Variants in CD2AP observed in about 807,000 individuals in gnomAD.
The protein encoded by CD2AP is CD2-associated protein.
CD2AP carries 46 observed loss-of-function variants against 85.1 expected under a neutral mutation model. That is an observed-to-expected ratio of 0.54 (90% confidence interval 0.43 to 0.69). CD2AP has a LOEUF of 0.69. Ranked by LOEUF, CD2AP falls within the 30% of genes least tolerant of loss-of-function variation. The pLI is 0.00. For synonymous variants in CD2AP, 255 were observed against 252.9 expected, an observed-to-expected ratio of 1.01 and a Z score of -0.08; for missense variants, 769 against 729.5, an observed-to-expected ratio of 1.05 and a Z score of -0.62.
intron 1 of CD2AP, among the ~76,000 whole-genome samples, chr6:47,490,320 A>G (rs1765703287): frequency 6.6e-6 from 1 of 152,058 alleles, no homozygotes; most frequent in African/African-American, 2.4e-5. Context: ...ACTGTTACAC[A>G]TTGGTCTTTT....
intron 3 of CD2AP, among the ~76,000 whole-genome samples, chr6:47,543,173 GAAAAAGAAAAAAGAAA>G (rs1767274001): frequency 2.3e-5 from 2 of 88,468 alleles, no homozygotes; most frequent in Non-Finnish European, 5.1e-5. Flanking sequence ...AAAAAAAAAA[GAAAAAGAAAAAAGAAA>G]AAAAAGAAAA....
intron 1 of CD2AP, among the ~76,000 whole-genome samples, chr6:47,502,488 C>T (rs1417581274): frequency 1.3e-5 from 2 of 150,446 alleles, no homozygotes; most frequent in Non-Finnish European, 3.0e-5. Flanking sequence ...GCCTCGAACT[C>T]CTGAGTTTTT....
intron 17 of CD2AP, among the ~76,000 whole-genome samples, chr6:47,622,534 C>T (rs377058304): frequency 2.6e-5 from 4 of 152,166 alleles, no homozygotes; most frequent in East Asian, 3.9e-4. Flanking sequence ...CCTCTACCCC[C>T]CTTGTATTTT....
At position 47,569,989 on chromosome 6, in the gene CD2AP, A is replaced by G. The variant is rs568703843; in HGVS notation, c.542-4075A>G. ...TTTCTATGTGTACTTTTTAGGAACT[A>G]TGCAATATTGATTGATTTTAAGTCC... On this transcript the variant is annotated intron_variant, in intron 5 of 17. Transcript: ENST00000359314. Among the ~76,000 whole-genome samples, 5 of 152,290 alleles carry G rather than the reference A, an allele frequency of 3.3e-5. No individual in the cohort carries two copies. In the East Asian group the frequency reaches 9.6e-4, roughly 29 times the overall value.
rs957711475 is a variant in CD2AP at position 47,615,842 on chromosome 6, C to G, written c.1878+3306C>G. 6.7e-5 allele frequency among the ~76,000 whole-genome samples: 10 copies of G among 148,430 alleles called. No individual in the cohort carries two copies. The Admixed American group carries it at 6.8e-4, about 10-fold the overall frequency. ...ATTTATTTATTTATTAGCAGTGGTA[C>G]GAACTCGGCTGACTGCAAGCTCCAC... On this transcript the variant is annotated intron_variant, in intron 17 of 17. Transcript: ENST00000359314.
At chr6:47,607,156 A>ATAG (rs1316186054) in intron 14 of CD2AP, among the ~76,000 whole-genome samples, 2 of 141,918 alleles carry the variant, frequency 1.4e-5, no homozygotes, top group Non-Finnish European at 3.1e-5. Context: ...TTGTGACTGA[A>ATAG]TAGTAGTCCA....
At position 47,533,635 on chromosome 6, in the gene CD2AP, A is replaced by G; in HGVS notation, c.199A>G (p.Ser67Gly). ...AAGAGAGACGGAATTCAAGGATGACAGTTTGCCCATCAAACGGGAAAGGCA... is the reference window on the plus strand; with the variant it reads ...AAGAGAGACGGAATTCAAGGATGACGGTTTGCCCATCAAACGGGAAAGGCA... The part of the protein sequence containing the change: ...IKRETEFKDD[S>G]LPIKRERHGN... Residue 67 changes from serine to glycine, a missense_variant, in exon 3 of 18, where the codon AGT becomes GGT. By Grantham distance (56) the Ser-to-Gly change is moderately conservative (BLOSUM62 0). Coordinates refer to ENST00000359314, the MANE Select transcript of CD2AP (RefSeq NM_012120.3). 6.2e-7 allele frequency: 1 copy of G among 1,614,074 alleles called. No individual in the cohort carries two copies. The highest frequency in any genetic ancestry group is 1.1e-5 in the South Asian group (1 of 91,076).
At chr6:47,604,684 A>T (rs928176141) in intron 13 of CD2AP, among the ~76,000 whole-genome samples, 3 of 152,018 alleles carry the variant, frequency 2.0e-5, no homozygotes, top group Non-Finnish European at 4.4e-5. Context: ...TTTCTTTGTG[A>T]TATTTACAAA....
At chr6:47,505,616 G>GC (rs1194126315) in intron 2 of CD2AP, among the ~76,000 whole-genome samples, 2 of 33,066 alleles carry the variant, frequency 6.0e-5, no homozygotes, top group Non-Finnish European at 1.5e-4. Context: ...TGGCCGGGCG[G>GC]GGGGGGCTGA....
chr6:47,493,407 A>T (rs1765782244), intron 1 of CD2AP, among the ~76,000 whole-genome samples: 1 of 143,570 alleles, frequency 7.0e-6, no homozygotes. Flanking sequence ...TCTTGCCTTC[A>T]TGTTTTCTGA....
intron 2 of CD2AP, among the ~76,000 whole-genome samples, chr6:47,508,120 C>T (rs1243001745): frequency 6.6e-6 from 1 of 152,170 alleles, no homozygotes; most frequent in African/African-American, 2.4e-5. Context: ...TGCATTAGTC[C>T]CTAGCAAGAG....
intron 5 of CD2AP, among the ~76,000 whole-genome samples, chr6:47,565,768 A>C (rs1241736904): frequency 2.6e-5 from 4 of 152,166 alleles, no homozygotes; most frequent in African/African-American, 9.7e-5. Context: ...CACTGCCGCT[A>C]TCCTGGTATA....
chr6:47,551,062 A>T (rs1450344736), intron 4 of CD2AP, among the ~76,000 whole-genome samples: 1 of 152,144 alleles, frequency 6.6e-6, no homozygotes, highest in Non-Finnish European at 1.5e-5. Context: ...GAGGGATAAA[A>T]GACTACAAAT....
intron 5 of CD2AP, among the ~76,000 whole-genome samples, chr6:47,556,930 C>T (rs1767709594): frequency 6.6e-6 from 1 of 152,174 alleles, no homozygotes; most frequent in Non-Finnish European, 1.5e-5. Flanking sequence ...AACTAATTTA[C>T]ACTCCCGTGA....
chr6:47,488,109 A>G (rs923708370), intron 1 of CD2AP, among the ~76,000 whole-genome samples: 1 of 151,340 alleles, frequency 6.6e-6, no homozygotes, highest in Admixed American at 6.6e-5. Flanking sequence ...TTTAATAGAG[A>G]ATCAATAATC....
At chr6:47,501,376 A>G (rs1034336061) in intron 1 of CD2AP, among the ~76,000 whole-genome samples, 1 of 152,224 alleles carries the variant, frequency 6.6e-6, no homozygotes, top group Non-Finnish European at 1.5e-5. Flanking sequence ...GCACCTGCTC[A>G]ACTGTAGTTG....
At chr6:47,566,597 C>T (rs909798600) in intron 5 of CD2AP, among the ~76,000 whole-genome samples, 10 of 151,956 alleles carry the variant, frequency 6.6e-5, no homozygotes, top group Non-Finnish European at 1.5e-5. Context: ...TCGACCCATC[C>T]TCTCAATTCT....
intron 13 of CD2AP, among the ~76,000 whole-genome samples, chr6:47,604,001 G>C (rs936030149): frequency 1.3e-5 from 2 of 152,022 alleles, no homozygotes; most frequent in African/African-American, 4.8e-5. Context: ...TTTTGGAAAA[G>C]TTTCCTGATT....
intron 4 of CD2AP, among the ~76,000 whole-genome samples, chr6:47,548,800 C>T (rs923156015): frequency 6.6e-6 from 1 of 152,046 alleles, no homozygotes; most frequent in African/African-American, 2.4e-5. Context: ...TGCTAAAATC[C>T]TAAACAAAGT....
Sources: gnomAD v4.1 joint callset for allele counts (sites outside exome capture counted in the v4.1 genomes callset) on GRCh38, gnomAD v4.1.1 for gene constraint, MANE v1.5 for transcripts, NCBI Gene and HGNC (gene_info 2026-07-23, HGNC 2026-07-21) for gene names.